Variants in LTBP1 observed in about 807,000 individuals in gnomAD.
LTBP1 encodes latent transforming growth factor beta binding protein 1.
In LTBP1, 129 loss-of-function variants were observed where a neutral mutation model predicts 207.6. The observed-to-expected ratio is 0.62, with a 90% confidence interval of 0.54 to 0.72. The LOEUF (loss-of-function observed/expected upper bound fraction) is 0.72. LTBP1 is among the 30% of genes least tolerant of loss of function. LTBP1 has a pLI of 0.00. For synonymous variants in LTBP1, 963 were observed against 833.7 expected (o/e 1.16, Z -2.67); for missense variants, 2,281 against 2,217.2 (o/e 1.03, Z -0.58).
At chr2:33,291,884 A>C (rs2093781417) in intron 19 of LTBP1, 1 of 152,246 alleles carries the variant, frequency 6.6e-6, no homozygotes, top group African/African-American at 2.4e-5. Flanking sequence ...AAGAGGGTAG[A>C]AAGCTTTGCT....
chr2:33,355,050 G>C (rs1456518457), intron 26 of LTBP1, among the ~76,000 whole-genome samples: 1 of 152,132 alleles, frequency 6.6e-6, no homozygotes, highest in African/African-American at 2.4e-5. Context: ...AACTAAACCT[G>C]ACGAGGAATG....
At chr2:33,387,959 G>A (rs1156616641) in intron 31 of LTBP1, among the ~76,000 whole-genome samples, 1 of 152,186 alleles carries the variant, frequency 6.6e-6, no homozygotes, top group African/African-American at 2.4e-5. Context: ...GCACCTCACA[G>A]TCCTAACAGA....
intron 29 of LTBP1, 42 bp downstream of exon 29, chr2:33,363,560 T>C (rs1574022013): frequency 6.4e-7 from 1 of 1,568,130 alleles, no homozygotes; most frequent in African/African-American, 1.4e-5. Context: ...TGTGAAAATA[T>C]ACAGATGGAA....
intron 22 of LTBP1, among the ~76,000 whole-genome samples, chr2:33,303,600 T>G (rs2094031579): frequency 6.6e-6 from 1 of 152,142 alleles, no homozygotes; most frequent in Admixed American, 6.5e-5. Context: ...TCCGCCCATC[T>G]CGGCCTCCCA....
At chr2:33,005,938 A>G (rs962166874) in intron 2 of LTBP1, among the ~76,000 whole-genome samples, 2 of 151,444 alleles carry the variant, frequency 1.3e-5, no homozygotes, top group Non-Finnish European at 2.9e-5. Context: ...GAGGGGTAGA[A>G]TCATTTGAGG....
chr2:33,176,877 G>A (rs577343390), intron 5 of LTBP1, among the ~76,000 whole-genome samples: 10 of 152,008 alleles, frequency 6.6e-5, no homozygotes, highest in Non-Finnish European at 1.2e-4. Context: ...TTCTCATTGC[G>A]CCCTGCCATC....
At chr2:33,328,764 A>G (rs2094460218) in intron 24 of LTBP1, among the ~76,000 whole-genome samples, 1 of 152,198 alleles carries the variant, frequency 6.6e-6, no homozygotes, top group African/African-American at 2.4e-5. Flanking sequence ...GCTTTTGAAC[A>G]TTAGCTACAT....
intron 5 of LTBP1, among the ~76,000 whole-genome samples, chr2:33,138,411 G>A (rs1397071073): frequency 6.6e-6 from 1 of 151,902 alleles, no homozygotes; most frequent in Non-Finnish European, 1.5e-5. Context: ...TACTTTAAAT[G>A]GTACTTCCTA....
At chr2:33,302,983 A>G (rs1558977440) in intron 22 of LTBP1, among the ~76,000 whole-genome samples, 1 of 149,590 alleles carries the variant, frequency 6.7e-6, no homozygotes. Context: ...ACACACACAC[A>G]CAAACACACA....
chr2:33,397,214 T>A lies in LTBP1; in HGVS notation c.4916T>A (p.Val1639Asp). ...NGCENGRCVR[V>D]QEGYTCDCFD... ...TGTGAAAATGGTCGCTGTGTGAGGG[T>A]CCAGGAAGGTTACACCTGCGATTGC... The change falls in exon 33 of 34, where the codon GTC (valine) becomes GAC (aspartate). Residue 1639 changes from valine (V) to aspartate (D), a missense_variant. By Grantham distance (152) the Val-to-Asp change is radical. Coordinates refer to ENST00000404816, the MANE Select transcript of LTBP1 (RefSeq NM_206943.4). The A allele has an allele frequency of 3.7e-6, 6 of 1,614,118 alleles. No homozygotes were observed. Among genetic ancestry groups the A allele is most frequent in the Non-Finnish European group, 5.1e-6 (6 of 1,179,992 alleles).
chr2:33,277,813 T>TC (rs1558933843), intron 18 of LTBP1, among the ~76,000 whole-genome samples: 110 of 71,616 alleles, frequency 1.5e-3, no homozygotes, highest in African/African-American at 3.8e-3. Flanking sequence ...CTCTTTCTTT[T>TC]TTTCTTTCTT....
At chr2:32,975,277 G>A (rs1558461284) in intron 2 of LTBP1, among the ~76,000 whole-genome samples, 1 of 152,094 alleles carries the variant, frequency 6.6e-6, no homozygotes, top group African/African-American at 2.4e-5. Context: ...CTTTGTAGGT[G>A]ACCTGCCCCT....
chr2:33,345,212 A>G (rs1238271322), intron 25 of LTBP1, among the ~76,000 whole-genome samples: 1 of 152,074 alleles, frequency 6.6e-6, no homozygotes, highest in Non-Finnish European at 1.5e-5. Flanking sequence ...CCACCCCCAC[A>G]TTTAAGGTCT....
At chr2:33,354,939 A>T (rs1042878061) in intron 26 of LTBP1, among the ~76,000 whole-genome samples, 1 of 152,058 alleles carries the variant, frequency 6.6e-6, no homozygotes, top group African/African-American at 2.4e-5. Flanking sequence ...ACGAGGTCTC[A>T]CTATGTTGCC....
At chr2:33,112,574 G>A (rs1009245474) in intron 4 of LTBP1, among the ~76,000 whole-genome samples, 5 of 152,186 alleles carry the variant, frequency 3.3e-5, no homozygotes, top group Non-Finnish European at 7.3e-5. Flanking sequence ...AAAGAGTTAC[G>A]CATGTAGGAA....
chr2:33,113,934 A>G (rs527898001), intron 4 of LTBP1, among the ~76,000 whole-genome samples: 1 of 152,304 alleles, frequency 6.6e-6, no homozygotes, highest in African/African-American at 2.4e-5. Context: ...TCTGCCTCCC[A>G]GGCTCAAGTG....
At chr2:33,296,683 T>C (rs892836409) in intron 20 of LTBP1, among the ~76,000 whole-genome samples, 1 of 152,144 alleles carries the variant, frequency 6.6e-6, no homozygotes, top group Non-Finnish European at 1.5e-5. Flanking sequence ...AGCAATCTAA[T>C]ATCCAAGATT....
chr2:33,328,294 C>T (rs979763996), intron 24 of LTBP1, among the ~76,000 whole-genome samples: 1 of 152,110 alleles, frequency 6.6e-6, no homozygotes, highest in Non-Finnish European at 1.5e-5. Flanking sequence ...TGATTATTCC[C>T]CACCCTCATA....
intron 9 of LTBP1, among the ~76,000 whole-genome samples, chr2:33,239,681 T>G (rs1416975222): frequency 1.3e-5 from 2 of 149,936 alleles, no homozygotes; most frequent in East Asian, 3.9e-4. Flanking sequence ...TCACTTGAGG[T>G]CAGGAGTTCA....
Sources: gnomAD v4.1 joint callset for allele counts (sites outside exome capture counted in the v4.1 genomes callset) on GRCh38, gnomAD v4.1.1 for gene constraint, MANE v1.5 for transcripts, NCBI Gene and HGNC (gene_info 2026-07-23, HGNC 2026-07-21) for gene names.